The following PRKCG variants were observed in gnomAD, a reference collection of about 807,000 sequenced individuals.
The protein encoded by PRKCG is protein kinase C gamma type.
In PRKCG, 28 loss-of-function variants were observed where a neutral mutation model predicts 82.0. That is an observed-to-expected ratio of 0.34 (90% CI 0.25 to 0.47). The LOEUF is 0.47. Ranked by LOEUF, PRKCG falls within the 20% of genes least tolerant of loss-of-function variation. PRKCG has a pLI of 1.00. For missense variants in PRKCG, 640 were observed against 952.7 expected (o/e 0.67, Z 4.32); for synonymous variants, 383 against 376.6 (o/e 1.02, Z -0.20).
rs1407781807 is a variant in PRKCG, at chr19:53,907,067, A to G, written c.*172A>G. On this transcript the variant is annotated 3_prime_UTR_variant, in exon 18 of 18. Coordinates refer to ENST00000263431, the MANE Select transcript of PRKCG (RefSeq NM_002739.5). ...CCTCCCAAGCGTTCCTGGCCTTCTG[A>G]ACTCCATACAGCCTCTACAGCCGTC... 1.1e-5 allele frequency: 15 copies of G among 1,423,298 alleles called. No individual in the cohort carries two copies. Among genetic ancestry groups the G allele is most frequent in the Middle Eastern group, 2.1e-4 (1 of 4,834 alleles). The allele number at this position is 1,423,298 out of a possible 1,614,324, so 88.2% of individuals were successfully genotyped here.
intron 10 of PRKCG, 143 bp from the exon 11 acceptor site, chr19:53,898,297 G>C: frequency 7.5e-7 from 1 of 1,330,346 alleles, no homozygotes; most frequent in East Asian, 2.5e-5. Context: ...TTGAGGGGAC[G>C]GGCGGCAAGT....
At chr19:53,901,201 C>T (rs1190094022) in intron 14 of PRKCG, among the ~76,000 whole-genome samples, 2 of 152,150 alleles carry the variant, frequency 1.3e-5, no homozygotes, top group Admixed American at 6.5e-5. Context: ...CTGTGTTGTA[C>T]GTGTTTCTCT....
At chr19:53,898,882 C>G (rs1223272979) in intron 11 of PRKCG, among the ~76,000 whole-genome samples, 6 of 104,306 alleles carry the variant, frequency 5.8e-5, no homozygotes, top group African/African-American at 2.3e-4. Flanking sequence ...TGGAGGGGCT[C>G]CTCGGGGGCG....
rs2068607138 is a variant in PRKCG, at chr19:53,883,340, T to TGTGGTGGGGAGGGAGCTTTG, written c.202+147_202+166dup. 1 of 1,007,482 alleles carries TGTGGTGGGGAGGGAGCTTTG rather than the reference T, an allele frequency of 9.9e-7. No individual in the cohort carries two copies. The highest frequency in any genetic ancestry group is 1.4e-5 in the South Asian group (1 of 71,882). 62.4% of individuals were successfully genotyped at this position (1,007,482 alleles called of 1,614,324 possible). ...CGGGGGGTGTGGCAGAGACACAGCCTGTGGTGGGGAGGGAGCTTTGATGGT... is the reference window on the plus strand; with the variant it reads ...CGGGGGGTGTGGCAGAGACACAGCCTGTGGTGGGGAGGGAGCTTTGGTGGTGGGGAGGGAGCTTTGATGGT... On this transcript the variant is annotated intron_variant, in intron 2 of 17. Transcript: ENST00000263431. This position sits in a 1 kb window ranked among gnomAD's most constrained non-coding sequence, Gnocchi z 5.4.
In PRKCG at chr19:53,882,949, C is replaced by T. The variant is rs552251335; in HGVS notation, c.171-214C>T. Among the ~76,000 whole-genome samples, 7 of 151,742 alleles carry T rather than the reference C, an allele frequency of 4.6e-5. No individual in the cohort carries two copies. Among genetic ancestry groups the T allele is most frequent in the African/African-American group, 1.7e-4 (7 of 41,322 alleles). The stretch of plus-strand genomic sequence containing the variant: ...GGGCTGGGAGCCTGGATTCCTGGGT[C>T]TGAAGGAGGAAGAAACTGGGGGCTG... On this transcript the variant is annotated intron_variant, in intron 1 of 17. Coordinates refer to ENST00000263431, the MANE Select transcript of PRKCG (RefSeq NM_002739.5). The surrounding 1 kb of genome is among the most constrained non-coding windows in gnomAD (Gnocchi z 6.1).
chr19:53,892,777 CACA>C lies in PRKCG; in HGVS notation c.821+135_821+137del. ...GCACACACACACACACACACACACA[CACA>C]CGCACACACACGCACACACCCCTCT... On this transcript the variant is annotated intron_variant, in intron 7 of 17. Transcript: ENST00000263431. This position sits in a 1 kb window ranked among gnomAD's most constrained non-coding sequence, Gnocchi z 5.9. 1.9e-6 allele frequency: 2 copies of C among 1,055,880 alleles called. No individual in the cohort carries two copies. Among genetic ancestry groups the C allele is most frequent in the African/African-American group, 1.7e-5 (1 of 58,184 alleles). 65.4% of individuals were successfully genotyped at this position (1,055,880 alleles called of 1,614,324 possible).
chr19:53,903,228 T>A, intron 15 of PRKCG, 75 bp downstream of exon 15: 1 of 1,185,624 alleles, frequency 8.4e-7, no homozygotes, highest in Non-Finnish European at 1.3e-6. Context: ...GAGGAGCCAG[T>A]TAGAAAGGAG....
intron 3 of PRKCG, among the ~76,000 whole-genome samples, chr19:53,885,861 C>T (rs747397557): frequency 4.6e-5 from 7 of 151,878 alleles, no homozygotes; most frequent in East Asian, 2.0e-4. Flanking sequence ...CACTCACCTC[C>T]GCCACCAACA....
chr19:53,899,326 G>A (rs1389836800), intron 11 of PRKCG, among the ~76,000 whole-genome samples: 1 of 152,204 alleles, frequency 6.6e-6, no homozygotes, highest in Non-Finnish European at 1.5e-5. Context: ...CAGTGCTCTG[G>A]AATTTTCAGC....
rs568807922 is a variant in PRKCG, at chr19:53,899,444, CAG to C, written c.1282-788_1282-787del. 2.1e-3 allele frequency among the ~76,000 whole-genome samples: 324 copies of C among 152,330 alleles called. 1 individual carries two copies. Among genetic ancestry groups the C allele is most frequent in the African/African-American group, 7.5e-3 (311 of 41,566 alleles). ...TTCTGACTGAAGGACACATCAGAAA[CAG>C]GACATTATTTCCTTAGGATTGCGAC... is the stretch of plus-strand genomic sequence containing the variant. On this transcript the variant is annotated intron_variant, in intron 11 of 17. Coordinates refer to ENST00000263431, the MANE Select transcript of PRKCG (RefSeq NM_002739.5).
chr19:53,891,475 C>T (rs182437878), intron 5 of PRKCG, among the ~76,000 whole-genome samples, 199 bp from the exon 6 acceptor site: 29 of 149,014 alleles, frequency 1.9e-4, no homozygotes, highest in East Asian at 6.0e-4. Flanking sequence ...TTAGTGGAGA[C>T]GGGGTTTCAC....
In PRKCG at chr19:53,900,885, T is replaced by G; in HGVS notation, c.1575+136T>G. 8.2e-6 allele frequency: 12 copies of G among 1,464,380 alleles called. No homozygotes were observed. The South Asian group carries it at 1.4e-4, about 17-fold the overall frequency. 90.7% of individuals were successfully genotyped at this position (1,464,380 alleles called of 1,614,324 possible). On this transcript the variant is annotated intron_variant, in intron 14 of 17. Coordinates refer to ENST00000263431, the MANE Select transcript of PRKCG (RefSeq NM_002739.5). The surrounding 1 kb of genome is among the most constrained non-coding windows in gnomAD (Gnocchi z 4.2). ...TGTGGCCTTCTTACACAGCCAGTCG[T>G]TCCTCCAGCCTCCAGCACAGGTGAG...
rs1164462888 is a variant in PRKCG at position 53,906,120 on chromosome 19, T to TC, written c.1765-197_1765-196insC. 0.015 allele frequency among the ~76,000 whole-genome samples: 1,285 copies of TC among 84,970 alleles called. 56 individuals are homozygous for TC. Among genetic ancestry groups the TC allele is most frequent in the African/African-American group, 0.041 (370 of 9,010 alleles). 55.7% of individuals were successfully genotyped at this position (84,970 alleles called of 152,430 possible). A position where few individuals can be genotyped will look rare whatever the true frequency, so the allele number is the denominator to read the frequency against. ...TTCTTCTTCTTCTTCTTCTTCTTCT[T>TC]TTCTTCTCTCTCTCTCTCCTTTCTT... is the stretch of plus-strand genomic sequence containing the variant. On this transcript the variant is annotated intron_variant, in intron 16 of 17. Transcript: ENST00000263431.
chr19:53,906,544 G>GT (rs1218726727), intron 17 of PRKCG, 87 bp downstream of exon 17: 2 of 1,573,316 alleles, frequency 1.3e-6, no homozygotes, highest in African/African-American at 2.7e-5. Flanking sequence ...TGGGGGTGGG[G>GT]TTCCCTCTGC....
intron 15 of PRKCG, 86 bp downstream of exon 15, chr19:53,903,239 C>T: frequency 9.5e-7 from 1 of 1,055,868 alleles, no homozygotes; most frequent in Admixed American, 1.7e-5. Context: ...TAGAAAGGAG[C>T]CCAGAAGGTT....
rs1333198144 is a variant in PRKCG, at chr19:53,907,366, C to A, written c.*471C>A. Reference sequence around the variant, plus strand: ...TCTAGATGAGTGGGAGGCGTGCCCCCCTCCTCCAGTACGTCCCGCTGCTGT... The same window carrying A: ...TCTAGATGAGTGGGAGGCGTGCCCCACTCCTCCAGTACGTCCCGCTGCTGT... On this transcript the variant is annotated 3_prime_UTR_variant, in exon 18 of 18. Transcript: ENST00000263431. 9.5e-6 allele frequency: 2 copies of A among 211,554 alleles called. No homozygotes were observed. The highest frequency in any genetic ancestry group is 7.0e-5 in the South Asian group (1 of 14,296). 13.1% of individuals were successfully genotyped at this position (211,554 alleles called of 1,614,324 possible).
In PRKCG at chr19:53,889,721, G is replaced by C. The variant is rs1485473444; in HGVS notation, c.369G>C (p.Gly123=). 2 of 1,614,144 alleles carry C rather than the reference G, an allele frequency of 1.2e-6. No individual in the cohort carries two copies. The highest frequency in any genetic ancestry group is 8.5e-7 in the Non-Finnish European group (1 of 1,180,024). ...ACCACTGTGGCTCCCTCCTCTACGG[G>C]CTTGTGCACCAGGGCATGAAATGCT... ...FCDHCGSLLY[G]LVHQGMKCSC... is the part of the protein sequence containing the mutation. Residue 123 remains glycine, a synonymous_variant, in exon 4 of 18, where the codon GGG becomes GGC. Coordinates refer to ENST00000263431, the MANE Select transcript of PRKCG (RefSeq NM_002739.5). The surrounding 1 kb of genome is among the most constrained non-coding windows in gnomAD (Gnocchi z 4.4).
Position 53,889,809 on chromosome 19 carries a change from T to C in PRKCG, c.397+60T>C. 2 of 1,546,234 alleles carry C rather than the reference T, an allele frequency of 1.3e-6. No individual in the cohort carries two copies. The highest frequency in any genetic ancestry group is 1.1e-5 in the South Asian group (1 of 87,154). On this transcript the variant is annotated intron_variant, in intron 4 of 17. Coordinates refer to ENST00000263431, the MANE Select transcript of PRKCG (RefSeq NM_002739.5). This position sits in a 1 kb window ranked among gnomAD's most constrained non-coding sequence, Gnocchi z 4.4. ...AGCGCCCGGTCTGGGTTCCGGGAAATGCCCGGGATGGGGTGGGGGGTGGAG... is the reference window on the plus strand; with the variant it reads ...AGCGCCCGGTCTGGGTTCCGGGAAACGCCCGGGATGGGGTGGGGGGTGGAG...
At chr19:53,903,202 G>A (rs1181620022) in intron 15 of PRKCG, 49 bp downstream of exon 15, 1 of 1,466,532 alleles carries the variant, frequency 6.8e-7, no homozygotes, top group South Asian at 1.1e-5. Flanking sequence ...GACAGAGAGG[G>A]GCACCTGGAT....
Sources: gnomAD v4.1 joint callset for allele counts (sites outside exome capture counted in the v4.1 genomes callset) on GRCh38, gnomAD v4.1.1 for gene constraint, Gnocchi (gnomAD v3.1) non-coding constraint, MANE v1.5 for transcripts, NCBI Gene and HGNC (gene_info 2026-07-23, HGNC 2026-07-21) for gene names.